RBFOX2: variants seen among roughly 807,000 people sequenced by gnomAD.
RBFOX2 encodes RNA binding fox-1 homolog 2, also known as RNA binding protein fox-1 homolog 2.
Under a neutral mutation model 49.1 loss-of-function variants are expected in RBFOX2, and 10 were observed. That is an observed-to-expected ratio of 0.20 (90% confidence interval 0.13 to 0.35). RBFOX2 has a LOEUF of 0.35. RBFOX2 is among the 10% of genes least tolerant of loss of function. The probability of loss-of-function intolerance (pLI) is 1.00; values close to 1 mark genes in which losing one functional copy is unlikely to be tolerated. For synonymous variants in RBFOX2, 183 were observed against 187.4 expected (o/e 0.98, Z 0.19); for missense variants, 323 against 486.9 (o/e 0.66, Z 3.17).
chr22:35,746,328 A>AC, intron 10 of RBFOX2, 145 bp downstream of exon 12: 2 of 731,722 alleles, frequency 2.7e-6, no homozygotes. Flanking sequence ...AGAGGCCATC[A>AC]AGAGGTCTGC....
exon 1 of RBFOX2, chr22:36,028,439 C>G (rs957521621): frequency 2.5e-6 from 3 of 1,197,544 alleles, no homozygotes; most frequent in East Asian, 7.2e-5. Flanking sequence ...CCCGCGCCCC[C>G]CTCGCCTCCG....
intron 1 of RBFOX2, among the ~76,000 whole-genome samples, chr22:35,830,793 T>C (rs1158186415): frequency 1.3e-5 from 2 of 152,120 alleles, no homozygotes; most frequent in African/African-American, 2.4e-5. Flanking sequence ...GAAAAATGTT[T>C]TTAAAAAAAT....
rs2047947227 is a variant in RBFOX2 at position 35,897,122 on chromosome 22, T to C, written c.-34+41725A>G. 5.8e-6 allele frequency: 3 copies of C among 518,798 alleles called. No homozygotes were observed. In the Admixed American group the frequency reaches 1.0e-4, roughly 18 times the overall value. The allele number at this position is 518,798 out of a possible 1,614,324, so 32.1% of individuals were successfully genotyped here. A position where few individuals can be genotyped will look rare whatever the true frequency, so the allele number is the denominator to read the frequency against. The stretch of plus-strand genomic sequence containing the variant: ...TTATTACTCGACACTCATTCTTTTT[T>C]TTTCTTTTTAACCTCAAATGTTTTA... On this transcript the variant is annotated intron_variant, in intron 1 of 13. Coordinates refer to the RBFOX2 transcript ENST00000359369.
chr22:35,902,925 G>C lies in RBFOX2; in HGVS notation c.-34+35922C>G, dbSNP rs369590531. ...CCTGCCCCAGCCTCCCAAAATGCAGGGATTACAGCCATGAGCCACTACACA... is the reference window on the plus strand; with the variant it reads ...CCTGCCCCAGCCTCCCAAAATGCAGCGATTACAGCCATGAGCCACTACACA... On this transcript the variant is annotated intron_variant, in intron 1 of 13. Transcript: ENST00000359369. 7.2e-5 allele frequency among the ~76,000 whole-genome samples: 11 copies of C among 151,870 alleles called. No homozygotes were observed. The East Asian group carries it at 1.4e-3, about 19-fold the overall frequency.
intron 1 of RBFOX2, chr22:35,994,366 G>A (rs1032210229): frequency 1.3e-5 from 2 of 150,998 alleles, no homozygotes; most frequent in African/African-American, 2.4e-5. Flanking sequence ...TACATTGAGT[G>A]CATCCTTTTA....
At chr22:35,812,168 G>A (rs1344467860) in intron 1 of RBFOX2, among the ~76,000 whole-genome samples, 1 of 151,824 alleles carries the variant, frequency 6.6e-6, no homozygotes, top group Non-Finnish European at 1.5e-5. Flanking sequence ...AGCTGAGGCA[G>A]GAGAATCGCT....
At chr22:35,868,137 G>A (rs1453620306) in intron 1 of RBFOX2, among the ~76,000 whole-genome samples, 1 of 152,136 alleles carries the variant, frequency 6.6e-6, no homozygotes, top group Non-Finnish European at 1.5e-5. Flanking sequence ...CCTGAGCCCA[G>A]AAAGTTGAGG....
chr22:35,929,605 T>G (rs974122261), intron 1 of RBFOX2, among the ~76,000 whole-genome samples: 40 of 152,202 alleles, frequency 2.6e-4, no homozygotes, highest in African/African-American at 9.4e-4. Context: ...TGCCAAAGAC[T>G]ACATATATCA....
chr22:35,897,877 C>A (rs2048058009), intron 1 of RBFOX2: 4 of 729,926 alleles, frequency 5.5e-6, no homozygotes, highest in Non-Finnish European at 1.0e-5. Flanking sequence ...TCTAGAAGAG[C>A]TTTTAATATT....
intron 1 of RBFOX2, among the ~76,000 whole-genome samples, chr22:35,896,026 C>T (rs1290485730): frequency 6.6e-6 from 1 of 152,184 alleles, no homozygotes; most frequent in East Asian, 1.9e-4. Flanking sequence ...CCCCCATATT[C>T]TAATGCCAAT....
chr22:35,910,357 T>C (rs1378635239), intron 1 of RBFOX2, among the ~76,000 whole-genome samples: 1 of 152,252 alleles, frequency 6.6e-6, no homozygotes, highest in African/African-American at 2.4e-5. Flanking sequence ...AACAGGATAC[T>C]TAAATTAATA....
intron 6 of RBFOX2, among the ~76,000 whole-genome samples, chr22:35,764,517 A>G (rs1455770510): frequency 4.0e-5 from 6 of 149,932 alleles, no homozygotes; most frequent in Non-Finnish European, 8.9e-5. Context: ...CCTGGGAAGC[A>G]GAGCTTGCAG....
intron 1 of RBFOX2, among the ~76,000 whole-genome samples, chr22:35,979,710 A>C (rs1297727037): frequency 6.6e-6 from 1 of 152,194 alleles, no homozygotes; most frequent in Non-Finnish European, 1.5e-5. Context: ...ATTTCAAAAT[A>C]AAGAATCAAT....
chr22:35,795,219 C>T (rs1404739728), intron 2 of RBFOX2, among the ~76,000 whole-genome samples: 1 of 152,032 alleles, frequency 6.6e-6, no homozygotes, highest in African/African-American at 2.4e-5. Context: ...TTTATGTAGG[C>T]TCAATGTACC....
chr22:35,923,959 T>A (rs1390936366), intron 1 of RBFOX2, among the ~76,000 whole-genome samples: 1 of 150,606 alleles, frequency 6.6e-6, no homozygotes. Context: ...AAAAAAAAAA[T>A]TCAAATAAAA....
chr22:35,783,994 C>T (rs575316886), intron 2 of RBFOX2, among the ~76,000 whole-genome samples: 196 of 152,300 alleles, frequency 1.3e-3, no homozygotes, highest in African/African-American at 4.3e-3. Context: ...GGACAGACCC[C>T]GTGGCCCGTC....
intron 2 of RBFOX2, among the ~76,000 whole-genome samples, chr22:35,809,407 A>C (rs1951396720): frequency 6.6e-6 from 1 of 152,176 alleles, no homozygotes; most frequent in Non-Finnish European, 1.5e-5. Context: ...GAAAGAAAGA[A>C]AGAAAGAATA....
At chr22:35,869,364 G>C (rs2044069480) in intron 1 of RBFOX2, among the ~76,000 whole-genome samples, 1 of 149,630 alleles carries the variant, frequency 6.7e-6, no homozygotes, top group Non-Finnish European at 1.5e-5. Flanking sequence ...CACTTGTCCA[G>C]TCCAGGCTGG....
At position 35,768,465 on chromosome 22, in the gene RBFOX2, C is replaced by T. The variant is rs781035706; in HGVS notation, c.454-116G>A. 9.9e-5 allele frequency: 83 copies of T among 842,498 alleles called. 2 individuals carry two copies. Among genetic ancestry groups the T allele is most frequent in the South Asian group, 3.1e-4 (17 of 54,224 alleles). The allele number at this position is 842,498 out of a possible 1,614,324, so 52.2% of individuals were successfully genotyped here. On this transcript the variant is annotated intron_variant, in intron 4 of 11. Transcript: ENST00000405409. ...GAAACTGACATCAGCAACAACTCAGCAATAATCTCCCAAAGTCACATTTTT... is the reference window on the plus strand; with the variant it reads ...GAAACTGACATCAGCAACAACTCAGTAATAATCTCCCAAAGTCACATTTTT...
Sources: gnomAD v4.1 joint callset for allele counts (sites outside exome capture counted in the v4.1 genomes callset) on GRCh38, gnomAD v4.1.1 for gene constraint, MANE v1.5 for transcripts, NCBI Gene and HGNC (gene_info 2026-07-23, HGNC 2026-07-21) for gene names.